Variants in CACNA1E observed in about 807,000 individuals in gnomAD.
CACNA1E encodes the protein calcium voltage-gated channel subunit alpha1 E.
CACNA1E carries 40 observed loss-of-function variants against 259.2 expected under a neutral mutation model. That is an observed-to-expected ratio of 0.15 (90% CI 0.12 to 0.20). The LOEUF is 0.20. CACNA1E is among the 10% of genes least tolerant of loss of function. The probability of loss-of-function intolerance (pLI) is 1.00; values close to 1 mark genes in which losing one functional copy is unlikely to be tolerated. For synonymous variants in CACNA1E, 1,104 were observed against 1,138.5 expected (o/e 0.97, Z 0.61); for missense variants, 1,874 against 3,040.1 (o/e 0.62, Z 9.02).
intron 6 of CACNA1E, among the ~76,000 whole-genome samples, chr1:181,626,675 G>T (rs1656231952): frequency 6.6e-6 from 1 of 152,214 alleles, no homozygotes. Context: ...GGAAGTATAG[G>T]TAGTGTAAGT....
rs1661970223 is a variant in CACNA1E at position 181,798,147 on chromosome 1, C to T, written c.6400-145C>T. On this transcript the variant is annotated intron_variant, in intron 47 of 47. Coordinates refer to ENST00000367573, the MANE Select transcript of CACNA1E (RefSeq NM_001205293.3). The surrounding 1 kb of genome is among the most constrained non-coding windows in gnomAD (Gnocchi z 4.2). ...TCCTTAATCTCTTCAATCCCTTTTTCCCTGAGTGGATGTGAATACTACAGG... is the reference window on the plus strand; with the variant it reads ...TCCTTAATCTCTTCAATCCCTTTTTTCCTGAGTGGATGTGAATACTACAGG... 6.1e-6 allele frequency: 4 copies of T among 658,758 alleles called. No homozygotes were observed. The highest frequency in any genetic ancestry group is 1.8e-5 in the African/African-American group (1 of 55,702). The allele number at this position is 658,758 out of a possible 1,614,324, so 40.8% of individuals were successfully genotyped here.
chr1:181,380,511 T>C (rs1355056226), intron 1 of CACNA1E, among the ~76,000 whole-genome samples: 1 of 152,186 alleles, frequency 6.6e-6, no homozygotes, highest in Non-Finnish European at 1.5e-5. Context: ...ACATCCCCCA[T>C]GGACATAGTT....
chr1:181,378,257 C>G (rs1302489534), intron 1 of CACNA1E, among the ~76,000 whole-genome samples: 4 of 152,204 alleles, frequency 2.6e-5, no homozygotes, highest in African/African-American at 9.7e-5. Flanking sequence ...AACTTCCCAC[C>G]TGAAATAACC....
chr1:181,761,228 T>A (rs1183872102), intron 32 of CACNA1E, among the ~76,000 whole-genome samples: 1 of 152,248 alleles, frequency 6.6e-6, no homozygotes, highest in Non-Finnish European at 1.5e-5. Flanking sequence ...AATTAAGTGA[T>A]GTTCATAACC....
chr1:181,636,642 A>G (rs376563413), intron 6 of CACNA1E, among the ~76,000 whole-genome samples: 1 of 152,212 alleles, frequency 6.6e-6, no homozygotes, highest in Non-Finnish European at 1.5e-5. Flanking sequence ...TCGGAGAATC[A>G]GTGCACCCCA....
At chr1:181,468,033 A>G (rs1180545060) in intron 2 of CACNA1E, among the ~76,000 whole-genome samples, 1 of 152,102 alleles carries the variant, frequency 6.6e-6, no homozygotes, top group Admixed American at 6.5e-5. Context: ...CCTTCTCTAC[A>G]TGTCTTTTCT....
intron 1 of CACNA1E, among the ~76,000 whole-genome samples, chr1:181,369,143 C>T (rs1654505172): frequency 6.6e-6 from 1 of 152,238 alleles, no homozygotes; most frequent in Non-Finnish European, 1.5e-5. Context: ...TGATGCAGGA[C>T]TGCAAGTACA....
chr1:181,512,718 C>G (rs932849830), intron 3 of CACNA1E, among the ~76,000 whole-genome samples: 1 of 152,152 alleles, frequency 6.6e-6, no homozygotes, highest in African/African-American at 2.4e-5. Flanking sequence ...AGCACGTAAG[C>G]AGCCAGCCCC....
chr1:181,385,787 C>CT (rs1655800134), intron 1 of CACNA1E, among the ~76,000 whole-genome samples: 1 of 150,566 alleles, frequency 6.6e-6, no homozygotes, highest in Non-Finnish European at 1.5e-5. Context: ...TCCCTCCTTT[C>CT]TTCCCTCCCT....
At chr1:181,579,285 T>A (rs1167698802) in intron 5 of CACNA1E, 61 bp downstream of exon 5, 1 of 1,379,428 alleles carries the variant, frequency 7.2e-7, no homozygotes, top group Non-Finnish European at 1.0e-6. Context: ...CTGGGGTAAT[T>A]TCAGGGCACT....
At chr1:181,573,988 G>A (rs2102950058) in intron 3 of CACNA1E, among the ~76,000 whole-genome samples, 1 of 152,236 alleles carries the variant, frequency 6.6e-6, no homozygotes, top group Non-Finnish European at 1.5e-5. Context: ...GACATGGATG[G>A]AACTGGAAGC....
chr1:181,639,350 A>C (rs752283756), intron 6 of CACNA1E, among the ~76,000 whole-genome samples: 5 of 152,214 alleles, frequency 3.3e-5, no homozygotes, highest in Non-Finnish European at 7.3e-5. Context: ...GGCCTACCAA[A>C]GTGCTGGGAT....
At chr1:181,779,698 G>A (rs1660252428) in intron 38 of CACNA1E, among the ~76,000 whole-genome samples, 1 of 152,232 alleles carries the variant, frequency 6.6e-6, no homozygotes, top group African/African-American at 2.4e-5. Context: ...ACCAGCAGCT[G>A]TTACATAAAG....
chr1:181,765,754 G>A lies in CACNA1E; in HGVS notation c.4816-792G>A, dbSNP rs577124753. On this transcript the variant is annotated intron_variant, in intron 34 of 47. Coordinates refer to ENST00000367573, the MANE Select transcript of CACNA1E (RefSeq NM_001205293.3). ...CTTCTCTGGCAGCGCTGAGATCAAC[G>A]CAAAATTACAGTGTCCCACTCTGGC... 5.3e-5 allele frequency among the ~76,000 whole-genome samples: 8 copies of A among 152,274 alleles called. No individual in the cohort carries two copies. In the East Asian group the frequency reaches 9.6e-4, roughly 18 times the overall value.
At chr1:181,579,894 C>A (rs1173286930) in intron 5 of CACNA1E, among the ~76,000 whole-genome samples, 1 of 152,120 alleles carries the variant, frequency 6.6e-6, no homozygotes, top group Non-Finnish European at 1.5e-5. Flanking sequence ...TATGGAAGAA[C>A]TGAGGGAGCT....
At chr1:181,724,441 A>G (rs1277104457) in intron 16 of CACNA1E, 29 bp from the exon 17 acceptor site, 1 of 1,599,314 alleles carries the variant, frequency 6.3e-7, no homozygotes, top group South Asian at 1.1e-5. Context: ...TGCTTTTCTT[A>G]TTTGCCCATC....
At chr1:181,774,485 A>C (rs1476816293) in intron 37 of CACNA1E, among the ~76,000 whole-genome samples, 1 of 152,206 alleles carries the variant, frequency 6.6e-6, no homozygotes, top group Non-Finnish European at 1.5e-5. Context: ...ACATCAGTGA[A>C]GTCTGGAGGA....
At chr1:181,368,302 C>A (rs1039410850) in intron 1 of CACNA1E, among the ~76,000 whole-genome samples, 21 of 147,054 alleles carry the variant, frequency 1.4e-4, no homozygotes, top group Admixed American at 2.0e-4. Flanking sequence ...AAAAAAAATA[C>A]ATCGCAAATC....
intron 2 of CACNA1E, among the ~76,000 whole-genome samples, chr1:181,471,135 A>T (rs920848731): frequency 1.4e-4 from 21 of 152,188 alleles, no homozygotes; most frequent in African/African-American, 5.1e-4. Context: ...GGGCCTAGCT[A>T]CTTCTCTCCA....
Sources: allele counts gnomAD v4.1 joint callset (sites outside exome capture counted in the v4.1 genomes callset), GRCh38; gene constraint gnomAD v4.1.1; non-coding constraint Gnocchi (gnomAD v3.1); transcripts MANE v1.5; gene names NCBI Gene and HGNC (gene_info 2026-07-23, HGNC 2026-07-21).